DPYSL2: variants seen among roughly 807,000 people sequenced by gnomAD.
DPYSL2 encodes the protein dihydropyrimidinase like 2.
DPYSL2 carries 13 observed loss-of-function variants against 69.9 expected under a neutral mutation model. The ratio of observed to expected loss-of-function variants is 0.19; its 90% confidence interval spans 0.12 to 0.30. The LOEUF (loss-of-function observed/expected upper bound fraction) is 0.30, where lower values mean the gene tolerates loss of function less well. DPYSL2 is among the 10% of genes least tolerant of loss of function. The probability of loss-of-function intolerance (pLI) is 1.00; values close to 1 mark genes in which losing one functional copy is unlikely to be tolerated. For missense variants in DPYSL2, 587 were observed against 918.9 expected (o/e 0.64, Z 4.67); for synonymous variants, 326 against 359.1 (o/e 0.91, Z 1.04).
chr8:26,612,571 G>A (rs1306792306), intron 3 of DPYSL2, among the ~76,000 whole-genome samples: 1 of 152,220 alleles, frequency 6.6e-6, no homozygotes, highest in African/African-American at 2.4e-5. Flanking sequence ...ATGAGCATGG[G>A]CCAGGTGTGG....
rs1803253450 is a variant in DPYSL2 at position 26,650,194 on chromosome 8, C to T, written c.1597-2063C>T. Among the ~76,000 whole-genome samples, 2 of 152,122 alleles carry T rather than the reference C, an allele frequency of 1.3e-5. No homozygotes were observed. Among genetic ancestry groups the T allele is most frequent in the African/African-American group, 4.8e-5 (2 of 41,416 alleles). On this transcript the variant is annotated intron_variant, in intron 11 of 13. Coordinates refer to ENST00000521913, the MANE Select transcript of DPYSL2 (RefSeq NM_001197293.3). The surrounding 1 kb of genome is among the most constrained non-coding windows in gnomAD (Gnocchi z 5.3). ...GTCCTGCAAAGGGGGACCTACTTAC[C>T]CCTCACAGATGAGGAGGTGGAGGCT...
intron 1 of DPYSL2, among the ~76,000 whole-genome samples, chr8:26,554,048 C>T (rs968000150): frequency 3.3e-5 from 5 of 152,024 alleles, no homozygotes; most frequent in African/African-American, 1.2e-4. Context: ...CCCCACCACA[C>T]CCAGCTAATT....
chr8:26,627,794 T>C lies in DPYSL2; in HGVS notation c.937-78T>C. On this transcript the variant is annotated intron_variant, in intron 6 of 13. Coordinates refer to ENST00000521913, the MANE Select transcript of DPYSL2 (RefSeq NM_001197293.3). The surrounding 1 kb of genome is among the most constrained non-coding windows in gnomAD (Gnocchi z 6.9). ...TAATTTTCCATCTTGCCCGGATAACTGCATGCCCGGGCCTCTGCCATCAGA... is the reference window on the plus strand; with the variant it reads ...TAATTTTCCATCTTGCCCGGATAACCGCATGCCCGGGCCTCTGCCATCAGA... 1 of 1,433,332 alleles carries C rather than the reference T, an allele frequency of 7.0e-7. No homozygotes were observed. Among genetic ancestry groups the C allele is most frequent in the South Asian group, 1.2e-5 (1 of 83,490 alleles). 88.8% of individuals were successfully genotyped at this position (1,433,332 alleles called of 1,614,324 possible).
At chr8:26,596,203 A>C (rs959416349) in intron 3 of DPYSL2, among the ~76,000 whole-genome samples, 1 of 152,234 alleles carries the variant, frequency 6.6e-6, no homozygotes, top group Non-Finnish European at 1.5e-5. Flanking sequence ...GAAACTGGGC[A>C]GAAAGCCACA....
intron 1 of DPYSL2, among the ~76,000 whole-genome samples, chr8:26,554,004 C>T (rs1800906994): frequency 6.7e-6 from 1 of 149,512 alleles, no homozygotes; most frequent in South Asian, 2.1e-4. Flanking sequence ...CAATTCTCTG[C>T]CTCAGCCTCT....
At position 26,585,661 on chromosome 8, in the gene DPYSL2, G is replaced by A. The variant is rs568247880; in HGVS notation, c.628+1678G>A. ...GGCGTTTCTGCCTCTCCTCCAGGGC[G>A]GACTGTGGAGAAACACTTGAACTTG... On this transcript the variant is annotated intron_variant, in intron 3 of 13. Coordinates refer to ENST00000521913, the MANE Select transcript of DPYSL2 (RefSeq NM_001197293.3). This position sits in a 1 kb window ranked among gnomAD's most constrained non-coding sequence, Gnocchi z 4.0. 6.6e-5 allele frequency among the ~76,000 whole-genome samples: 10 copies of A among 152,274 alleles called. No individual in the cohort carries two copies. In the South Asian group the frequency reaches 1.0e-3, roughly 16 times the overall value.
chr8:26,629,723 A>G (rs1802714619), intron 7 of DPYSL2, among the ~76,000 whole-genome samples: 3 of 152,294 alleles, frequency 2.0e-5, no homozygotes, highest in African/African-American at 7.2e-5. Flanking sequence ...GCCGACCATA[A>G]ACATGCCTGA....
chr8:26,515,014 G>A lies in DPYSL2; in HGVS notation c.354+335G>A, dbSNP rs1033004424. Among the ~76,000 whole-genome samples the A allele has an allele frequency of 5.3e-5, 8 of 152,218 alleles. No homozygotes were observed. In the South Asian group the frequency reaches 1.7e-3, roughly 31 times the overall value. On this transcript the variant is annotated intron_variant, in intron 1 of 13. Transcript: ENST00000521913. ...GGTTCCATTCTTCTGAAACCCTCCC[G>A]GGCGGCTTCCGATTGCAGCTGCGGC...
At chr8:26,645,636 G>A (rs1227294290) in intron 10 of DPYSL2, among the ~76,000 whole-genome samples, 1 of 152,034 alleles carries the variant, frequency 6.6e-6, no homozygotes, top group Non-Finnish European at 1.5e-5. Flanking sequence ...TGCAACCTCC[G>A]TCTCCCGGGT....
chr8:26,570,338 T>A (rs146728428), intron 1 of DPYSL2, among the ~76,000 whole-genome samples: 1 of 152,222 alleles, frequency 6.6e-6, no homozygotes, highest in African/African-American at 2.4e-5. Context: ...ATCTAAGGAA[T>A]GTGGACTGGG....
At position 26,624,822 on chromosome 8, in the gene DPYSL2, C is replaced by T. The variant is rs1047537883; in HGVS notation, c.793+515C>T. ...CTTTCCCTAGAATTATTTTGGAGAA[C>T]AAATTTCCAGGGATTGGGAAGATTC... is the stretch of plus-strand genomic sequence containing the variant. On this transcript the variant is annotated intron_variant, in intron 4 of 13. Transcript: ENST00000521913. The surrounding 1 kb of genome is among the most constrained non-coding windows in gnomAD (Gnocchi z 4.7). Among the ~76,000 whole-genome samples the T allele has an allele frequency of 6.6e-6, 1 of 152,036 alleles. No homozygotes were observed. The highest frequency in any genetic ancestry group is 1.5e-5 in the Non-Finnish European group (1 of 68,012).
At chr8:26,550,779 C>G (rs1800862679) in intron 1 of DPYSL2, among the ~76,000 whole-genome samples, 1 of 152,138 alleles carries the variant, frequency 6.6e-6, no homozygotes, top group Non-Finnish European at 1.5e-5. Context: ...CAGTGCAAGT[C>G]TGAAGGCCTC....
At chr8:26,538,115 G>A (rs1800625357) in intron 1 of DPYSL2, among the ~76,000 whole-genome samples, 1 of 152,138 alleles carries the variant, frequency 6.6e-6, no homozygotes, top group African/African-American at 2.4e-5. Flanking sequence ...CCCATTACTT[G>A]TCATCTTAAC....
At chr8:26,521,342 C>A (rs577026301) in intron 1 of DPYSL2, among the ~76,000 whole-genome samples, 2 of 69,122 alleles carry the variant, frequency 2.9e-5, no homozygotes, top group Non-Finnish European at 9.6e-5. Context: ...CCTGGCTCTG[C>A]CATTGACTGA....
chr8:26,556,135 CTATATATAGTATATACTATA>C lies in DPYSL2; in HGVS notation c.355-25829_355-25810del, dbSNP rs1800952783. 1.7e-4 allele frequency among the ~76,000 whole-genome samples: 2 copies of C among 11,846 alleles called. 1 individual carries two copies. Among genetic ancestry groups the C allele is most frequent in the South Asian group, 8.6e-3 (2 of 232 alleles). The allele number at this position is 11,846 out of a possible 152,430, so 7.8% of individuals were successfully genotyped here. On this transcript the variant is annotated intron_variant, in intron 1 of 13. Transcript: ENST00000521913. Reference sequence around the variant, plus strand: ...ATATATACTATATATATTATATATACTATATATAGTATATACTATATATAGTATATACTATATATAGTATA... The same window carrying C: ...ATATATACTATATATATTATATATACTATAGTATATACTATATATAGTATA...
chr8:26,536,952 T>G (rs956445447), intron 1 of DPYSL2, among the ~76,000 whole-genome samples: 1 of 152,200 alleles, frequency 6.6e-6, no homozygotes, highest in African/African-American at 2.4e-5. Flanking sequence ...GGGACTCTAT[T>G]TGGGAATAGG....
rs1801241172 is a variant in DPYSL2, at chr8:26,571,834, T to C, written c.355-10135T>C. Among the ~76,000 whole-genome samples, 2 of 152,162 alleles carry C rather than the reference T, an allele frequency of 1.3e-5. No individual in the cohort carries two copies. The highest frequency in any genetic ancestry group is 2.1e-4 in the South Asian group (1 of 4,830). ...AGGATGCAGCCACAGGGGAAGGCAG[T>C]GGGCAGGTTCCGATCCAATCTGCAG... On this transcript the variant is annotated intron_variant, in intron 1 of 13. Coordinates refer to ENST00000521913, the MANE Select transcript of DPYSL2 (RefSeq NM_001197293.3). The surrounding 1 kb of genome is among the most constrained non-coding windows in gnomAD (Gnocchi z 6.1).
At chr8:26,578,705 G>A (rs1801417475) in intron 1 of DPYSL2, among the ~76,000 whole-genome samples, 3 of 152,218 alleles carry the variant, frequency 2.0e-5, no homozygotes, top group Admixed American at 6.5e-5. Flanking sequence ...ATGGGGAGAT[G>A]GGGACTTGGA....
rs771798837 is a variant in DPYSL2 at position 26,624,177 on chromosome 8, G to A, written c.663G>A (p.Leu221=). 6.2e-7 allele frequency: 1 copy of A among 1,614,196 alleles called. No homozygotes were observed. Among genetic ancestry groups the A allele is most frequent in the South Asian group, 1.1e-5 (1 of 91,080 alleles). ...TTGTTCCTGAGCCTGGGACAAGCCT[G>A]CTCGCTGCCTTTGACCAGTGGAGGG... The part of the protein sequence containing the change: ...DHVVPEPGTS[L]LAAFDQWREW... Residue 221 remains leucine (L), a synonymous_variant, in exon 4 of 14, where the codon CTG becomes CTA. Transcript: ENST00000521913. The surrounding 1 kb of genome is among the most constrained non-coding windows in gnomAD (Gnocchi z 4.7).
Sources: allele counts gnomAD v4.1 joint callset (sites outside exome capture counted in the v4.1 genomes callset), GRCh38; gene constraint gnomAD v4.1.1; non-coding constraint Gnocchi (gnomAD v3.1); transcripts MANE v1.5; gene names NCBI Gene and HGNC (gene_info 2026-07-23, HGNC 2026-07-21).